Variants in CSMD1 observed in about 807,000 individuals in gnomAD.
The protein encoded by CSMD1 is CUB and Sushi multiple domains 1.
In CSMD1, 213 loss-of-function variants were observed where a neutral mutation model predicts 417.5. The ratio of observed to expected loss-of-function variants is 0.51; its 90% CI spans 0.46 to 0.57. The LOEUF is 0.57. Among genes scored for constraint, CSMD1 ranks in the 20% least tolerant of loss-of-function variants. The pLI is 0.00. For synonymous variants in CSMD1, 2,862 were observed against 1,736.8 expected, an observed-to-expected ratio of 1.65 and a Z score of -16.11; for missense variants, 6,923 against 4,529.7, an observed-to-expected ratio of 1.53 and a Z score of -15.17.
chr8:4,417,648 A>G (rs575591700), intron 3 of CSMD1, among the ~76,000 whole-genome samples: 1 of 152,118 alleles, frequency 6.6e-6, no homozygotes, highest in African/African-American at 2.4e-5. Context: ...TTGGTGGGTC[A>G]AATAACAGGA....
chr8:4,180,975 G>C (rs1028210116), intron 3 of CSMD1, among the ~76,000 whole-genome samples: 1 of 152,030 alleles, frequency 6.6e-6, no homozygotes, highest in African/African-American at 2.4e-5. Context: ...TGTGATAATG[G>C]CTTACCATTT....
intron 4 of CSMD1, among the ~76,000 whole-genome samples, chr8:4,021,678 G>T (rs913122933): frequency 3.9e-5 from 6 of 152,100 alleles, no homozygotes; most frequent in Non-Finnish European, 8.8e-5. Flanking sequence ...GCATACCTGC[G>T]AAACTTGTTC....
intron 1 of CSMD1, among the ~76,000 whole-genome samples, chr8:4,756,073 G>A (rs1188965136): frequency 1.3e-5 from 2 of 152,250 alleles, no homozygotes; most frequent in East Asian, 3.9e-4. Flanking sequence ...TTAAAACAAA[G>A]ACCTTTATTC....
intron 7 of CSMD1, among the ~76,000 whole-genome samples, chr8:3,673,196 C>T (rs1036841992): frequency 1.8e-4 from 27 of 152,192 alleles, no homozygotes; most frequent in African/African-American, 5.8e-4. Flanking sequence ...AATTATTCAA[C>T]CACATATGCC....
intron 25 of CSMD1, among the ~76,000 whole-genome samples, chr8:3,297,514 A>G (rs1345347250): frequency 1.3e-5 from 2 of 152,224 alleles, no homozygotes; most frequent in Non-Finnish European, 2.9e-5. Context: ...AGATCTGCAT[A>G]GATCTAGTTG....
intron 1 of CSMD1, among the ~76,000 whole-genome samples, chr8:4,648,287 G>GT (rs1451117419): frequency 5.3e-5 from 8 of 152,102 alleles, no homozygotes; most frequent in Non-Finnish European, 1.0e-4. Flanking sequence ...ATTTCTTGTA[G>GT]TTTTTTGTTT....
intron 5 of CSMD1, among the ~76,000 whole-genome samples, chr8:3,760,127 G>A (rs927633387): frequency 2.0e-5 from 3 of 152,004 alleles, no homozygotes; most frequent in Non-Finnish European, 2.9e-5. Context: ...AGAGTAACAG[G>A]CTGAGAAAGG....
chr8:3,310,671 C>G (rs1269016152), intron 23 of CSMD1, among the ~76,000 whole-genome samples: 2 of 152,094 alleles, frequency 1.3e-5, no homozygotes, highest in Admixed American at 6.6e-5. Flanking sequence ...GGAACAGGAT[C>G]CTGGGAAAAC....
intron 3 of CSMD1, among the ~76,000 whole-genome samples, chr8:4,080,704 A>T (rs1800084765): frequency 6.6e-6 from 1 of 152,218 alleles, no homozygotes; most frequent in African/African-American, 2.4e-5. Flanking sequence ...AGTGAAGACT[A>T]TTCTTTCATT....
At chr8:3,782,203 G>A (rs1032859121) in intron 5 of CSMD1, among the ~76,000 whole-genome samples, 2 of 152,026 alleles carry the variant, frequency 1.3e-5, no homozygotes, top group Non-Finnish European at 2.9e-5. Flanking sequence ...GCAAATTCAC[G>A]GTGCGGCATA....
At chr8:3,653,284 TA>T in intron 7 of CSMD1, among the ~76,000 whole-genome samples, 1 of 152,256 alleles carries the variant, frequency 6.6e-6, no homozygotes, top group East Asian at 1.9e-4. Flanking sequence ...GGAAAAAAAT[TA>T]AAGAAAACTA....
intron 3 of CSMD1, among the ~76,000 whole-genome samples, chr8:4,107,603 G>A (rs1382440781): frequency 2.0e-5 from 3 of 152,176 alleles, no homozygotes; most frequent in East Asian, 1.9e-4. Context: ...GAATAGCTGG[G>A]AGTATGAGCG....
intron 26 of CSMD1, among the ~76,000 whole-genome samples, chr8:3,243,480 T>TG (rs549973142): frequency 0.029 from 2,915 of 99,590 alleles, 40 homozygotes; most frequent in Non-Finnish European, 0.043. Context: ...GGTTGTTTTC[T>TG]GGGGGGCAGG....
At chr8:4,577,891 A>G (rs147338378) in intron 2 of CSMD1, among the ~76,000 whole-genome samples, 124 of 152,368 alleles carry the variant, frequency 8.1e-4, no homozygotes, top group Non-Finnish European at 1.4e-3. Flanking sequence ...AATATATAGT[A>G]AATGTATCAA....
rs1454201735 is a variant in CSMD1 at position 3,409,452 on chromosome 8, T to C, written c.1715A>G (p.Gln572Arg). 6.2e-7 allele frequency: 1 copy of C among 1,611,414 alleles called. No homozygotes were observed. The highest frequency in any genetic ancestry group is 1.1e-5 in the South Asian group (1 of 90,194). ...ACAGCTGGGCTTGTTGCCAGACCAC[T>C]GATTGTTCTGCTGACAGGTGATAAC... ...ERVITCQQNN[Q>R]WSGNKPSCVF... Residue 572 changes from glutamine to arginine, a missense_variant, in exon 13 of 70, where the codon CAG becomes CGG. Transcript: ENST00000635120.
intron 46 of CSMD1, among the ~76,000 whole-genome samples, chr8:3,098,898 T>C (rs1408262016): frequency 2.6e-5 from 4 of 152,016 alleles, no homozygotes; most frequent in African/African-American, 9.7e-5. Context: ...ATTTTTTTTT[T>C]TTTAAATCTA....
At chr8:4,944,455 ATCC>A (rs989390520) in intron 1 of CSMD1, among the ~76,000 whole-genome samples, 5 of 152,204 alleles carry the variant, frequency 3.3e-5, no homozygotes, top group African/African-American at 9.7e-5. Flanking sequence ...CTTTCTTGAA[ATCC>A]TCATTTGACT....
chr8:3,646,901 G>A (rs900613637), intron 7 of CSMD1, among the ~76,000 whole-genome samples: 1 of 152,112 alleles, frequency 6.6e-6, no homozygotes, highest in African/African-American at 2.4e-5. Context: ...TTGATGAGTA[G>A]GCTTAGGTAG....
chr8:3,110,733 A>C (rs1390432582), intron 42 of CSMD1, among the ~76,000 whole-genome samples: 1 of 152,186 alleles, frequency 6.6e-6, no homozygotes, highest in East Asian at 1.9e-4. Context: ...GCTAGACCCT[A>C]TTTATAAGCC....
Sources: gnomAD v4.1 joint callset for allele counts (sites outside exome capture counted in the v4.1 genomes callset) on GRCh38, gnomAD v4.1.1 for gene constraint, MANE v1.5 for transcripts, NCBI Gene and HGNC (gene_info 2026-07-23, HGNC 2026-07-21) for gene names.